DYNC2H1: variants seen among roughly 807,000 people sequenced by gnomAD.
DYNC2H1 encodes dynein cytoplasmic 2 heavy chain 1.
A neutral mutation model predicts 570.0 loss-of-function variants in DYNC2H1; 410 were observed. The observed-to-expected ratio is 0.72, with a 90% CI of 0.66 to 0.78. DYNC2H1 has a LOEUF of 0.78. Ranked by LOEUF, DYNC2H1 falls within the 30% of genes least tolerant of loss-of-function variation. The pLI is 0.00. For missense variants in DYNC2H1, 4,865 were observed against 5,046.4 expected (o/e 0.96, Z 1.09); for synonymous variants, 1,688 against 1,677.6 (o/e 1.01, Z -0.15).
At chr11:103,328,892 C>T (rs1938629355) in intron 82 of DYNC2H1, among the ~76,000 whole-genome samples, 1 of 152,028 alleles carries the variant, frequency 6.6e-6, no homozygotes, top group African/African-American at 2.4e-5. Flanking sequence ...AAGCAAGAGA[C>T]TTTGGGTTTT....
At chr11:103,156,832 T>A in intron 26 of DYNC2H1, 62 bp downstream of exon 26, 1 of 1,559,246 alleles carries the variant, frequency 6.4e-7, no homozygotes, top group South Asian at 1.2e-5. Context: ...ATTCATATTG[T>A]GAAGTGCTTA....
chr11:103,310,685 TTTTTTTTTTTTTTG>T (rs1867541528), intron 78 of DYNC2H1, among the ~76,000 whole-genome samples: 2 of 87,472 alleles, frequency 2.3e-5, no homozygotes, highest in Non-Finnish European at 4.4e-5. Context: ...TTTTTTTTTT[TTTTTTTTTTTTTTG>T]GGAGACTGAG....
intron 30 of DYNC2H1, among the ~76,000 whole-genome samples, chr11:103,164,724 T>G (rs899886190): frequency 1.1e-4 from 16 of 152,340 alleles, no homozygotes; most frequent in Admixed American, 7.2e-4. Flanking sequence ...TCATTACATT[T>G]TAGGTAATTC....
intron 55 of DYNC2H1, among the ~76,000 whole-genome samples, chr11:103,218,313 T>C (rs1013490046): frequency 3.3e-5 from 5 of 152,208 alleles, no homozygotes; most frequent in African/African-American, 1.2e-4. Flanking sequence ...TATGATTCCT[T>C]TGTAAGAAAT....
Position 103,143,278 on chromosome 11 carries a change from TAA to T in DYNC2H1, c.2586_2587del (p.Ile863TrpfsTer4). The T allele has an allele frequency of 6.2e-7, 1 of 1,613,368 alleles. No individual in the cohort carries two copies. Among genetic ancestry groups the T allele is most frequent in the Non-Finnish European group, 8.5e-7 (1 of 1,179,604 alleles). On this transcript the variant is annotated frameshift_variant, in exon 18 of 89. Transcript: ENST00000375735. LOFTEE classifies it high-confidence loss of function. ...TCTTTCTTTAAATAGGAATGGATTG[TAA>T]TTGGGCAAGTTGATATGGAAGCTCT...
chr11:103,427,827 G>C (rs1371405787), intron 84 of DYNC2H1, among the ~76,000 whole-genome samples: 1 of 152,060 alleles, frequency 6.6e-6, no homozygotes, highest in Non-Finnish European at 1.5e-5. Flanking sequence ...TATGCATCTT[G>C]TGGGGACACA....
chr11:103,115,929 G>A (rs1383123568), intron 4 of DYNC2H1, among the ~76,000 whole-genome samples: 2 of 152,278 alleles, frequency 1.3e-5, no homozygotes, highest in Non-Finnish European at 2.9e-5. Flanking sequence ...GCATTTTGAA[G>A]TAATCTGAAA....
chr11:103,373,223 C>T (rs1463547469), intron 83 of DYNC2H1, among the ~76,000 whole-genome samples: 3 of 151,976 alleles, frequency 2.0e-5, no homozygotes, highest in African/African-American at 7.3e-5. Context: ...GCATGAGTGA[C>T]CATGCCTGAC....
At chr11:103,401,551 G>T (rs539512399) in intron 84 of DYNC2H1, among the ~76,000 whole-genome samples, 57 of 152,022 alleles carry the variant, frequency 3.7e-4, no homozygotes, top group Non-Finnish European at 7.6e-4. Flanking sequence ...GAGCAAAATG[G>T]CTAAGAATGT....
Position 103,468,790 on chromosome 11 carries a change from T to C in DYNC2H1, c.12765+85T>C, listed in dbSNP as rs182575553. The C allele has an allele frequency of 1.0e-3, 1,155 of 1,106,266 alleles. 7 individuals are homozygous for C. The African/African-American group carries it at 0.017, about 16-fold the overall frequency. The allele number at this position is 1,106,266 out of a possible 1,614,324, so 68.5% of individuals were successfully genotyped here. A position where few individuals can be genotyped will look rare whatever the true frequency, so the allele number is the denominator to read the frequency against. On this transcript the variant is annotated intron_variant, in intron 88 of 88. Coordinates refer to ENST00000375735, the MANE Select transcript of DYNC2H1 (RefSeq NM_001377.3). ...TTTTCAAGAAGACATTCTTGGCCTG[T>C]GTATTTTTGTTTGCTTTCTAATCTC...
At chr11:103,179,359 T>C (rs1316909645) in intron 39 of DYNC2H1, 126 bp downstream of exon 39, 1 of 826,634 alleles carries the variant, frequency 1.2e-6, no homozygotes, top group East Asian at 2.9e-5. Flanking sequence ...ATTAACTTCT[T>C]TTTTGTTAGG....
rs900940323 is a variant in DYNC2H1 at position 103,268,223 on chromosome 11, CTT to C, written c.10695+8248_10695+8249del. On this transcript the variant is annotated intron_variant, in intron 70 of 88. Transcript: ENST00000375735. This position sits in a 1 kb window ranked among gnomAD's most constrained non-coding sequence, Gnocchi z 4.6. ...TACCCACATAATAATAAAGGTATAT[CTT>C]TATCTCCTTTGTTGCACCTTATCAA... Among the ~76,000 whole-genome samples, 5 of 151,970 alleles carry C rather than the reference CTT, an allele frequency of 3.3e-5. No individual in the cohort carries two copies. The highest frequency in any genetic ancestry group is 1.2e-4 in the African/African-American group (5 of 41,422).
chr11:103,423,032 G>A (rs1031898184), intron 84 of DYNC2H1, among the ~76,000 whole-genome samples: 10 of 148,438 alleles, frequency 6.7e-5, no homozygotes, highest in African/African-American at 2.3e-4. Flanking sequence ...TTGCAAAAAT[G>A]CAAAGGGTCT....
intron 78 of DYNC2H1, among the ~76,000 whole-genome samples, chr11:103,309,946 A>G (rs980396990): frequency 6.6e-6 from 1 of 152,174 alleles, no homozygotes; most frequent in Non-Finnish European, 1.5e-5. Context: ...GATTTCAATT[A>G]TTAGTGAATT....
chr11:103,204,708 T>C lies in DYNC2H1; in HGVS notation c.8312-114T>C. The C allele has an allele frequency of 1.4e-6, 1 of 699,970 alleles. No individual in the cohort carries two copies. The highest frequency in any genetic ancestry group is 2.3e-5 in the South Asian group (1 of 43,092). 43.4% of individuals were successfully genotyped at this position (699,970 alleles called of 1,614,324 possible). On this transcript the variant is annotated intron_variant, in intron 51 of 88. Coordinates refer to ENST00000375735, the MANE Select transcript of DYNC2H1 (RefSeq NM_001377.3). This position sits in a 1 kb window ranked among gnomAD's most constrained non-coding sequence, Gnocchi z 4.1. ...ATCATAACATAATATTGTTTTATATTGTGCTCGTTTTAAGAAACAACTCCT... is the reference window on the plus strand; with the variant it reads ...ATCATAACATAATATTGTTTTATATCGTGCTCGTTTTAAGAAACAACTCCT...
Position 103,184,901 on chromosome 11 carries a change from CTA to C in DYNC2H1, c.6485_6486del (p.Tyr2162CysfsTer24). On this transcript the variant is annotated frameshift_variant, in exon 41 of 89. Coordinates refer to ENST00000375735, the MANE Select transcript of DYNC2H1 (RefSeq NM_001377.3). LOFTEE classifies it high-confidence loss of function. ...ALQWVLKQND[Y>X]VVETSLVGTV... ...TCACGGATTTTAATCAACAGAATGA[CTA>C]TGTGGTAGAAACAAGTTTGGTTGGG... The C allele has an allele frequency of 1.9e-6, 3 of 1,609,996 alleles. No individual in the cohort carries two copies. The highest frequency in any genetic ancestry group is 1.7e-6 in the Non-Finnish European group (2 of 1,177,268).
chr11:103,127,880 CA>C (rs1434674601), intron 12 of DYNC2H1, among the ~76,000 whole-genome samples: 1 of 152,124 alleles, frequency 6.6e-6, no homozygotes, highest in East Asian at 1.9e-4. Flanking sequence ...CAGTGTTAGG[CA>C]GTGATAGTGA....
chr11:103,383,754 G>A (rs1424509109), intron 83 of DYNC2H1, among the ~76,000 whole-genome samples: 13 of 152,078 alleles, frequency 8.5e-5, no homozygotes, highest in South Asian at 2.1e-4. Flanking sequence ...GATTACAGAC[G>A]TGAACCACCA....
intron 47 of DYNC2H1, among the ~76,000 whole-genome samples, chr11:103,194,563 G>A (rs997105352): frequency 9.2e-5 from 14 of 151,960 alleles, no homozygotes; most frequent in African/African-American, 2.9e-4. Context: ...TTGTATTTTA[G>A]CCATTCATGT....
Sources: allele counts gnomAD v4.1 joint callset (sites outside exome capture counted in the v4.1 genomes callset), GRCh38; gene constraint gnomAD v4.1.1; non-coding constraint Gnocchi (gnomAD v3.1); transcripts MANE v1.5; gene names NCBI Gene and HGNC (gene_info 2026-07-23, HGNC 2026-07-21).